PARP8: variants seen among roughly 807,000 people sequenced by gnomAD.
PARP8 encodes protein mono-ADP-ribosyltransferase PARP8.
A neutral mutation model predicts 124.1 loss-of-function variants in PARP8; 51 were observed. The ratio of observed to expected loss-of-function variants is 0.41; its 90% CI spans 0.33 to 0.52. The LOEUF (loss-of-function observed/expected upper bound fraction) is 0.52, where lower values mean the gene tolerates loss of function less well. Ranked by LOEUF, PARP8 falls within the 20% of genes least tolerant of loss-of-function variation. PARP8 has a pLI of 0.21. For synonymous variants in PARP8, 391 were observed against 361.5 expected, an observed-to-expected ratio of 1.08 and a Z score of -0.93; for missense variants, 860 against 1,018.9, an observed-to-expected ratio of 0.84 and a Z score of 2.12.
At chr5:50,829,132 T>C (rs925046997) in intron 21 of PARP8, among the ~76,000 whole-genome samples, 5 of 152,186 alleles carry the variant, frequency 3.3e-5, no homozygotes, top group Non-Finnish European at 7.3e-5. Context: ...ATACCTGCTT[T>C]TCCGCCTCCA....
At chr5:50,682,125 T>C (rs1289069367) in intron 2 of PARP8, among the ~76,000 whole-genome samples, 1 of 152,172 alleles carries the variant, frequency 6.6e-6, no homozygotes, top group Non-Finnish European at 1.5e-5. Context: ...ATTTGTCATA[T>C]TGGCAGATGG....
intron 25 of PARP8, among the ~76,000 whole-genome samples, chr5:50,840,421 G>A (rs1212844490): frequency 6.6e-6 from 1 of 151,850 alleles, no homozygotes; most frequent in East Asian, 1.9e-4. Context: ...GCACAAAGAA[G>A]AGCCAAGAAT....
At position 50,778,572 on chromosome 5, in the gene PARP8, G is replaced by A. The variant is rs1024241321; in HGVS notation, c.592G>A (p.Val198Met). Residue 198 changes from valine to methionine, a missense_variant, in exon 9 of 26, where the codon GTG (valine) becomes ATG (methionine). This residue lies in a region of PARP8 where 517 missense variants were observed against 544.2 expected (regional missense o/e 0.95). Coordinates refer to ENST00000281631, the MANE Select transcript of PARP8 (RefSeq NM_024615.4). ...DVSFLDEEIA[V>M]AWEVIRTEPI... ...TATATTTGTGCAGGAGGAGATTGCT[G>A]TGGCTTGGGAAGTAATTCGAACAGA... The A allele has an allele frequency of 3.1e-6, 5 of 1,607,494 alleles. No individual in the cohort carries two copies. Among genetic ancestry groups the A allele is most frequent in the Non-Finnish European group, 4.2e-6 (5 of 1,177,434 alleles).
At chr5:50,667,369 C>T (rs1308068245) in intron 1 of PARP8, among the ~76,000 whole-genome samples, 183 bp downstream of exon 1, 1 of 152,230 alleles carries the variant, frequency 6.6e-6, no homozygotes, top group South Asian at 2.1e-4. Flanking sequence ...TCTCCCCTTC[C>T]CCTCCCCCAC....
intron 2 of PARP8, among the ~76,000 whole-genome samples, chr5:50,726,094 G>A (rs1412325385): frequency 1.3e-5 from 2 of 151,688 alleles, no homozygotes; most frequent in African/African-American, 4.8e-5. Flanking sequence ...GTTGTTACAA[G>A]TCGTCCTCCT....
intron 25 of PARP8, among the ~76,000 whole-genome samples, chr5:50,835,406 G>A (rs549211475): frequency 7.2e-5 from 11 of 152,272 alleles, no homozygotes; most frequent in Admixed American, 2.6e-4. Flanking sequence ...AGCTGGGCGC[G>A]GTGGTGCATG....
intron 14 of PARP8, among the ~76,000 whole-genome samples, chr5:50,811,761 C>G (rs1375186338): frequency 6.6e-6 from 1 of 152,108 alleles, no homozygotes; most frequent in Non-Finnish European, 1.5e-5. Context: ...GCAACAAGCC[C>G]TGGTGTGTGA....
intron 2 of PARP8, among the ~76,000 whole-genome samples, chr5:50,700,302 G>A (rs117549960): frequency 2.7e-4 from 41 of 152,278 alleles, no homozygotes; most frequent in East Asian, 2.3e-3. Flanking sequence ...TTCTCTGAGA[G>A]GATAAAGCTT....
chr5:50,824,394 G>T (rs1377709596), intron 17 of PARP8, among the ~76,000 whole-genome samples: 4 of 152,156 alleles, frequency 2.6e-5, no homozygotes, highest in African/African-American at 9.7e-5. Flanking sequence ...AGACAAAGGT[G>T]ATCCAGGTTT....
intron 25 of PARP8, among the ~76,000 whole-genome samples, chr5:50,838,547 T>C (rs185978783): frequency 2.0e-5 from 3 of 152,088 alleles, no homozygotes; most frequent in Non-Finnish European, 4.4e-5. Context: ...TTAACTAGGA[T>C]TAATCTTTTG....
At chr5:50,685,804 T>G (rs770790307) in intron 2 of PARP8, among the ~76,000 whole-genome samples, 3 of 152,164 alleles carry the variant, frequency 2.0e-5, no homozygotes, top group Non-Finnish European at 4.4e-5. Context: ...ACATCTTACA[T>G]GGATGGCAGC....
At chr5:50,798,494 C>T (rs1460388107) in intron 14 of PARP8, among the ~76,000 whole-genome samples, 1 of 151,028 alleles carries the variant, frequency 6.6e-6, no homozygotes, top group Non-Finnish European at 1.5e-5. Context: ...GATCTCGGCT[C>T]ACTGCAAGCT....
At chr5:50,799,733 G>T (rs770042382) in intron 14 of PARP8, among the ~76,000 whole-genome samples, 6 of 152,186 alleles carry the variant, frequency 3.9e-5, no homozygotes, top group African/African-American at 7.2e-5. Flanking sequence ...GGTGTTAGGA[G>T]ATGGGTTGTT....
intron 14 of PARP8, among the ~76,000 whole-genome samples, chr5:50,814,646 G>T (rs192440763): frequency 2.7e-4 from 41 of 152,196 alleles, no homozygotes; most frequent in Non-Finnish European, 5.0e-4. Flanking sequence ...ATCCCCACTG[G>T]TTAAGCAGAA....
At chr5:50,704,670 A>G (rs549345403) in intron 2 of PARP8, among the ~76,000 whole-genome samples, 1 of 152,288 alleles carries the variant, frequency 6.6e-6, no homozygotes, top group Non-Finnish European at 1.5e-5. Context: ...TCTCATGAAC[A>G]TTGTCATATT....
intron 10 of PARP8, among the ~76,000 whole-genome samples, chr5:50,793,040 T>C (rs1401131254): frequency 6.6e-6 from 1 of 152,164 alleles, no homozygotes; most frequent in Non-Finnish European, 1.5e-5. Flanking sequence ...TACTACTCTG[T>C]CACTTGTATC....
At chr5:50,705,949 G>A (rs1200970720) in intron 2 of PARP8, among the ~76,000 whole-genome samples, 5 of 152,172 alleles carry the variant, frequency 3.3e-5, no homozygotes, top group African/African-American at 9.6e-5. Context: ...ATCATGCACA[G>A]TCCTTCAGTG....
At chr5:50,827,857 C>T in intron 19 of PARP8, 87 bp from the exon 20 acceptor site, 1 of 988,068 alleles carries the variant, frequency 1.0e-6, no homozygotes, top group South Asian at 1.4e-5. Flanking sequence ...GTGGGTAATT[C>T]TTAAACCAAT....
At chr5:50,721,227 G>A (rs1755846945) in intron 2 of PARP8, among the ~76,000 whole-genome samples, 2 of 152,018 alleles carry the variant, frequency 1.3e-5, no homozygotes, top group East Asian at 1.9e-4. Context: ...TCTCACCTGC[G>A]TATAGTTTTC....
Sources: allele counts gnomAD v4.1 joint callset (sites outside exome capture counted in the v4.1 genomes callset), GRCh38; gene constraint gnomAD v4.1.1; regional missense constraint gnomAD v4.1.1; transcripts MANE v1.5; gene names NCBI Gene and HGNC (gene_info 2026-07-23, HGNC 2026-07-21).